Variants in COL19A1 observed in about 807,000 individuals in gnomAD.
COL19A1 encodes the protein collagen type XIX alpha 1 chain.
A neutral mutation model predicts 190.2 loss-of-function variants in COL19A1; 159 were observed. The ratio of observed to expected loss-of-function variants is 0.84; its 90% CI spans 0.73 to 0.95. COL19A1 has a LOEUF of 0.95. Among genes scored for constraint, COL19A1 ranks in the 40% least tolerant of loss-of-function variants. COL19A1 has a pLI of 0.00. For missense variants in COL19A1, 1,418 were observed against 1,431.9 expected (o/e 0.99, Z 0.16); for synonymous variants, 509 against 458.9 (o/e 1.11, Z -1.39).
intron 1 of COL19A1, among the ~76,000 whole-genome samples, chr6:69,878,869 T>C (rs1368223218): frequency 4.6e-5 from 7 of 152,112 alleles, no homozygotes. Context: ...TATTCAGCTT[T>C]AAAAGAGGAG....
At chr6:70,196,758 C>T (rs537002803) in intron 48 of COL19A1, among the ~76,000 whole-genome samples, 3 of 152,234 alleles carry the variant, frequency 2.0e-5, no homozygotes, top group Non-Finnish European at 2.9e-5. Context: ...CAATTCCTGC[C>T]TCATTAGAAA....
intron 15 of COL19A1, among the ~76,000 whole-genome samples, chr6:70,075,234 A>G (rs910559666): frequency 1.3e-5 from 2 of 152,218 alleles, no homozygotes; most frequent in African/African-American, 4.8e-5. Flanking sequence ...GGTCCAAGCA[A>G]CAAGTGCAGA....
At chr6:70,112,263 G>T in intron 16 of COL19A1, among the ~76,000 whole-genome samples, 1 of 152,104 alleles carries the variant, frequency 6.6e-6, no homozygotes, top group East Asian at 1.9e-4. Context: ...CAAATAATTT[G>T]TTTCACACAT....
rs1583170564 is a variant in COL19A1 at position 70,207,431 on chromosome 6, C to T, written c.*157C>T. ...AAAAGCAACCGTTTGAATCCTATTC[C>T]TATAGCAATTGCAAATCAGCATTTT... On this transcript the variant is annotated 3_prime_UTR_variant, in exon 51 of 51. Coordinates refer to ENST00000620364, the MANE Select transcript of COL19A1 (RefSeq NM_001858.6). The T allele has an allele frequency of 1.7e-6, 1 of 588,992 alleles. No homozygotes were observed. The highest frequency in any genetic ancestry group is 3.2e-5 in the East Asian group (1 of 31,674). The allele number at this position is 588,992 out of a possible 1,614,324, so 36.5% of individuals were successfully genotyped here.
In COL19A1 at chr6:70,180,510, C is replaced by A; in HGVS notation, c.2762C>A (p.Pro921His). Residue 921 changes from proline (P) to histidine (H), a missense_variant, in exon 44 of 51, where the codon CCC (proline) becomes CAC (histidine). Transcript: ENST00000620364. ...ATAGGTTTCCCTGGACCAGAAGGAC[C>A]CTCAGGAAAGCCAGTAAGTACTTCT... Reference protein sequence around the residue: ...GDIGFPGPEGPSGKPGINGKD... With the variant: ...GDIGFPGPEGHSGKPGINGKD... 1.9e-6 allele frequency: 3 copies of A among 1,614,034 alleles called. No individual in the cohort carries two copies. The highest frequency in any genetic ancestry group is 2.5e-6 in the Non-Finnish European group (3 of 1,179,984).
At chr6:69,958,040 T>TA (rs1774535027) in intron 9 of COL19A1, among the ~76,000 whole-genome samples, 1 of 152,060 alleles carries the variant, frequency 6.6e-6, no homozygotes, top group African/African-American at 2.4e-5. Flanking sequence ...ACAACAATCA[T>TA]AAAACCTGTG....
chr6:70,144,796 T>A (rs1037009161), intron 24 of COL19A1, 122 bp from the exon 25 acceptor site: 3 of 682,294 alleles, frequency 4.4e-6, no homozygotes, highest in South Asian at 1.7e-5. Context: ...AGTGAGTGAG[T>A]GAGTGAATGA....
At chr6:70,101,614 T>A (rs1361162989) in intron 15 of COL19A1, among the ~76,000 whole-genome samples, 1 of 152,214 alleles carries the variant, frequency 6.6e-6, no homozygotes, top group Non-Finnish European at 1.5e-5. Flanking sequence ...CTTAGGGCAG[T>A]GCTTTCCAAA....
At chr6:70,123,253 G>A (rs12214273) in intron 17 of COL19A1, among the ~76,000 whole-genome samples, 12,671 of 151,588 alleles carry the variant, frequency 0.084, 579 homozygotes, top group Middle Eastern at 0.13. Context: ...CAAAACCACA[G>A]TGAGATACCA....
intron 49 of COL19A1, 86 bp from the exon 50 acceptor site, chr6:70,206,815 C>A: frequency 1.8e-6 from 2 of 1,127,000 alleles, no homozygotes; most frequent in Non-Finnish European, 2.5e-6. Flanking sequence ...ACATAATTAT[C>A]ACAGACTCAG....
intron 6 of COL19A1, among the ~76,000 whole-genome samples, chr6:69,929,906 T>C (rs550070749): frequency 2.4e-4 from 36 of 152,338 alleles, no homozygotes; most frequent in Middle Eastern, 6.8e-3. Flanking sequence ...CTCCATTTTA[T>C]ACCCATTTTC....
chr6:70,161,682 A>T (rs1787815512), intron 34 of COL19A1, among the ~76,000 whole-genome samples: 1 of 152,152 alleles, frequency 6.6e-6, no homozygotes, highest in Non-Finnish European at 1.5e-5. Flanking sequence ...TATACAATTT[A>T]TCCACATAAC....
rs972697052 is a variant in COL19A1 at position 70,036,031 on chromosome 6, C to A, written c.1170+92C>A. 3.2e-6 allele frequency: 4 copies of A among 1,243,668 alleles called. No individual in the cohort carries two copies. In the Admixed American group the frequency reaches 5.6e-5, roughly 17 times the overall value. The allele number at this position is 1,243,668 out of a possible 1,614,324, so 77.0% of individuals were successfully genotyped here. A position where few individuals can be genotyped will look rare whatever the true frequency, so the allele number is the denominator to read the frequency against. On this transcript the variant is annotated intron_variant, in intron 14 of 50. Transcript: ENST00000620364. The stretch of plus-strand genomic sequence containing the variant: ...CATGACTAAACCAGAATTTAAGTCA[C>A]AGAGTTAAGAATTGAAGGTGACTTC...
intron 6 of COL19A1, among the ~76,000 whole-genome samples, chr6:69,931,914 CTATTATTATAAGATT>C (rs1772786656): frequency 6.6e-6 from 1 of 151,914 alleles, no homozygotes; most frequent in African/African-American, 2.4e-5. Context: ...TGCCTGCTTT[CTATTATTATAAGATT>C]AATTATTATA....
chr6:70,188,232 T>A lies in COL19A1; in HGVS notation c.3014T>A (p.Ile1005Asn), dbSNP rs1459212608. The change falls in exon 47 of 51, where the codon ATC becomes AAC. Residue 1005 changes from isoleucine (I) to asparagine (N), a missense_variant. Physicochemically the swap from Ile to Asn is moderately radical, Grantham distance 149. Transcript: ENST00000620364. The part of the protein sequence containing the change: ...GHQGPPGSPG[I>N]PGIPADAVSF... The stretch of plus-strand genomic sequence containing the variant: ...CAAGGCCCTCCAGGCTCTCCAGGCA[T>A]CCCTGGCATTCCGGTAAGTAGTGCT... 2 of 1,608,692 alleles carry A rather than the reference T, an allele frequency of 1.2e-6. No homozygotes were observed. The highest frequency in any genetic ancestry group is 2.7e-5 in the African/African-American group (2 of 74,546).
At chr6:69,925,842 G>A (rs1365552932) in intron 4 of COL19A1, among the ~76,000 whole-genome samples, 3 of 152,098 alleles carry the variant, frequency 2.0e-5, no homozygotes, top group Non-Finnish European at 2.9e-5. Flanking sequence ...TATTCTCTTT[G>A]AAGTAATTGC....
intron 2 of COL19A1, among the ~76,000 whole-genome samples, chr6:69,887,377 A>T (rs1769015613): frequency 6.6e-6 from 1 of 152,136 alleles, no homozygotes; most frequent in Non-Finnish European, 1.5e-5. Context: ...AGCTTAAATT[A>T]TTTTCTCACA....
chr6:70,027,889 G>T (rs925596208), intron 12 of COL19A1, among the ~76,000 whole-genome samples: 1 of 152,042 alleles, frequency 6.6e-6, no homozygotes, highest in South Asian at 2.1e-4. Flanking sequence ...GACTATCTGG[G>T]TTCACATCCC....
Position 69,962,953 on chromosome 6 carries a change from G to A in COL19A1, c.1026+83G>A. On this transcript the variant is annotated intron_variant, in intron 11 of 50. Transcript: ENST00000620364. ...TGAAATAAAATATTTAACTTGTTTT[G>A]TGCATTCCCTATAAGCAATTCAATA... The A allele has an allele frequency of 3.7e-6, 4 of 1,085,202 alleles. No individual in the cohort carries two copies. In the South Asian group the frequency reaches 5.8e-5, roughly 16 times the overall value. 67.2% of individuals were successfully genotyped at this position (1,085,202 alleles called of 1,614,324 possible).
Sources: allele counts gnomAD v4.1 joint callset (sites outside exome capture counted in the v4.1 genomes callset), GRCh38; gene constraint gnomAD v4.1.1; transcripts MANE v1.5; gene names NCBI Gene and HGNC (gene_info 2026-07-23, HGNC 2026-07-21).